DMD: variants seen among roughly 807,000 people sequenced by gnomAD.
DMD encodes mutant dystrophin.
In DMD, 63 loss-of-function variants were observed where a neutral mutation model predicts 330.1. The ratio of observed to expected loss-of-function variants is 0.19; its 90% CI spans 0.16 to 0.24. The LOEUF is 0.24. Ranked by LOEUF, DMD falls within the 10% of genes least tolerant of loss-of-function variation. The pLI is 1.00. For missense variants in DMD, 3,344 were observed against 2,684.1 expected, an observed-to-expected ratio of 1.25 and a Z score of -5.43; for synonymous variants, 1,223 against 959.8, an observed-to-expected ratio of 1.27 and a Z score of -5.07.
At chrX:31,841,035 A>G (rs1016918442) in intron 48 of DMD, among the ~76,000 whole-genome samples, 3 of 112,072 alleles carry the variant, frequency 2.7e-5, no homozygotes, top group African/African-American at 9.7e-5. Flanking sequence ...AAGCCAAGAG[A>G]GGCTGGAAGC....
chrX:32,025,269 C>T (rs1046073263), intron 44 of DMD, among the ~76,000 whole-genome samples: 1 of 112,380 alleles, frequency 8.9e-6, no homozygotes, highest in Non-Finnish European at 1.9e-5. Flanking sequence ...AAAAATCCTA[C>T]TATTAAAAAT....
chrX:31,203,913 C>T, intron 67 of DMD, 48 bp downstream of exon 67: 1 of 1,134,092 alleles, frequency 8.8e-7, no homozygotes, highest in Non-Finnish European at 1.2e-6. Flanking sequence ...TAATTAATTT[C>T]TAAAATATGA....
intron 63 of DMD, among the ~76,000 whole-genome samples, chrX:31,243,818 A>G (rs971871049): frequency 8.9e-6 from 1 of 112,743 alleles, no homozygotes; most frequent in Non-Finnish European, 1.9e-5. Flanking sequence ...CACTTACATG[A>G]ATCAAATGTA....
intron 44 of DMD, among the ~76,000 whole-genome samples, chrX:32,152,023 C>T (rs1464960353): frequency 9.0e-6 from 1 of 111,373 alleles, no homozygotes; most frequent in Non-Finnish European, 1.9e-5. Flanking sequence ...GTATATATGC[C>T]CTTGTACACA....
chrX:31,164,403 CT>C (rs1417300415), intron 74 of DMD, among the ~76,000 whole-genome samples: 2 of 111,681 alleles, frequency 1.8e-5, no homozygotes, highest in African/African-American at 6.5e-5. Context: ...GGAAGGACCT[CT>C]AATAAACACT....
chrX:31,490,182 A>G (rs991381713), intron 57 of DMD, among the ~76,000 whole-genome samples: 1 of 112,283 alleles, frequency 8.9e-6, no homozygotes, highest in South Asian at 3.7e-4. Flanking sequence ...ATTTCCTCCA[A>G]CGCGGCTAAA....
intron 63 of DMD, among the ~76,000 whole-genome samples, chrX:31,227,148 C>T (rs1201806141): frequency 9.0e-6 from 1 of 111,024 alleles, no homozygotes; most frequent in East Asian, 2.8e-4. Context: ...GACCCCAATT[C>T]TACCCTCTTT....
At chrX:32,922,010 T>C (rs1328422149) in intron 2 of DMD, among the ~76,000 whole-genome samples, 2 of 110,886 alleles carry the variant, frequency 1.8e-5, no homozygotes, top group Non-Finnish European at 3.8e-5. Flanking sequence ...AAATTTACAA[T>C]GAAGGAGAAA....
chrX:32,451,880 C>T (rs2098331356), intron 26 of DMD, among the ~76,000 whole-genome samples: 1 of 110,613 alleles, frequency 9.0e-6, no homozygotes, highest in South Asian at 3.8e-4. Context: ...CAGAGGCTTC[C>T]AGAGTTTACC....
chrX:32,602,670 T>A (rs1200183496), intron 12 of DMD, among the ~76,000 whole-genome samples: 2 of 111,596 alleles, frequency 1.8e-5, no homozygotes, highest in Admixed American at 1.9e-4. Flanking sequence ...AGCATTTTGA[T>A]TCTGAGTATT....
Position 31,414,267 on chromosome X carries a change from G to A in DMD, c.9084+30214C>T, listed in dbSNP as rs185606891. 8.6e-3 allele frequency among the ~76,000 whole-genome samples: 956 copies of A among 110,748 alleles called. 14 individuals are homozygous for A. The highest frequency in any genetic ancestry group is 0.029 in the African/African-American group (887 of 30,436). ...TGACATCAAATGATCTACCCACCTC[G>A]GCCTCCCAAAGTGCTGGGATTACAG... On this transcript the variant is annotated intron_variant, in intron 60 of 78. Coordinates refer to ENST00000357033, the MANE Select transcript of DMD (RefSeq NM_004006.3).
chrX:31,348,491 T>C, intron 61 of DMD, 65 bp downstream of exon 61: 1 of 983,842 alleles, frequency 1.0e-6, no homozygotes, highest in Non-Finnish European at 1.4e-6. Context: ...TTTTGTTTTT[T>C]CAACTGTTAT....
At chrX:32,552,307 A>G (rs781371314) in intron 16 of DMD, among the ~76,000 whole-genome samples, 5 of 111,872 alleles carry the variant, frequency 4.5e-5, no homozygotes, top group Non-Finnish European at 5.6e-5. Flanking sequence ...GAGTCGAGAA[A>G]TAAGGCTGCA....
At chrX:31,591,660 C>T (rs976441284) in intron 55 of DMD, among the ~76,000 whole-genome samples, 5 of 111,080 alleles carry the variant, frequency 4.5e-5, no homozygotes, top group African/African-American at 1.6e-4. Context: ...AAAATAAACA[C>T]AAGCAAAGAA....
intron 13 of DMD, among the ~76,000 whole-genome samples, chrX:32,592,224 G>A (rs1041476934): frequency 9.0e-6 from 1 of 111,305 alleles, no homozygotes; most frequent in African/African-American, 3.3e-5. Context: ...GGGCTGGGCT[G>A]CCAGTTCTGG....
intron 51 of DMD, among the ~76,000 whole-genome samples, chrX:31,762,239 T>A (rs974849828): frequency 1.8e-5 from 2 of 111,811 alleles, no homozygotes; most frequent in African/African-American, 6.5e-5. Context: ...AGTACAGACA[T>A]AGTGCCTGGA....
chrX:33,029,284 T>TCATCACTA (rs2094063191), intron 1 of DMD, among the ~76,000 whole-genome samples: 1 of 112,202 alleles, frequency 8.9e-6, no homozygotes, highest in African/African-American at 3.2e-5. Flanking sequence ...CTACTTATTT[T>TCATCACTA]CATCACTACA....
At chrX:32,457,311 A>G (rs2098364389) in intron 25 of DMD, among the ~76,000 whole-genome samples, 1 of 111,197 alleles carries the variant, frequency 9.0e-6, no homozygotes, top group Non-Finnish European at 1.9e-5. Context: ...GCATCAAGAG[A>G]GAAGGGAAGG....
Position 31,679,444 on chromosome X carries a change from G to C in DMD, c.7803C>G (p.Ala2601=), listed in dbSNP as rs933682011. The change falls in exon 53 of 79, where the codon GCC becomes GCG. Residue 2601 remains alanine, a synonymous_variant. Transcript: ENST00000357033. Reference sequence around the variant, plus strand: ...GACCCTCCTTCCATGACTCAAGCTTGGCTCTGGCCTGTCCTAAGACCTGCT... The same window carrying C: ...GACCCTCCTTCCATGACTCAAGCTTCGCTCTGGCCTGTCCTAAGACCTGCT... ...EAEQVLGQAR[A]KLESWKEGPY... The C allele has an allele frequency of 8.3e-7, 1 of 1,211,480 alleles. No homozygotes were observed. The highest frequency in any genetic ancestry group is 1.1e-6 in the Non-Finnish European group (1 of 895,398).
Sources: allele counts gnomAD v4.1 joint callset (sites outside exome capture counted in the v4.1 genomes callset), GRCh38; gene constraint gnomAD v4.1.1; transcripts MANE v1.5; gene names NCBI Gene and HGNC (gene_info 2026-07-23, HGNC 2026-07-21).